DAPL1: variants seen among roughly 807,000 people sequenced by gnomAD.
DAPL1 encodes the protein death associated protein like 1, also known as death-associated protein-like 1.
DAPL1 carries 17 observed loss-of-function variants against 12.9 expected under a neutral mutation model. The observed-to-expected ratio is 1.32, with a 90% CI of 0.90 to 1.98. The LOEUF is 1.98. Among genes scored for constraint, DAPL1 ranks in the 30% most tolerant of loss-of-function variants. The probability of loss-of-function intolerance (pLI) is 0.00; values close to 1 mark genes in which losing one functional copy is unlikely to be tolerated. For missense variants in DAPL1, 157 were observed against 125.7 expected, an observed-to-expected ratio of 1.25 and a Z score of -1.19; for synonymous variants, 51 against 42.0, an observed-to-expected ratio of 1.21 and a Z score of -0.82.
chr2:158,813,756 C>T lies in DAPL1; in HGVS notation c.208-1949C>T, dbSNP rs182460312. ...ATTTTTAGTAGAGATGGGGTTTCAC[C>T]GTGTTAGCCAGGATGGTCTCGATCG... On this transcript the variant is annotated intron_variant, in intron 3 of 3. Transcript: ENST00000309950. Among the ~76,000 whole-genome samples the T allele has an allele frequency of 8.3e-3, 1,266 of 152,164 alleles. 23 individuals carry two copies. The highest frequency in any genetic ancestry group is 0.027 in the African/African-American group (1,125 of 41,516).
intron 1 of DAPL1, among the ~76,000 whole-genome samples, chr2:158,796,726 C>G (rs1382101981): frequency 6.6e-6 from 1 of 152,130 alleles, no homozygotes; most frequent in African/African-American, 2.4e-5. Flanking sequence ...ACAAAGAACA[C>G]AGACATAAAC....
intron 1 of DAPL1, among the ~76,000 whole-genome samples, chr2:158,802,296 T>C (rs950478541): frequency 6.6e-6 from 1 of 152,218 alleles, no homozygotes; most frequent in African/African-American, 2.4e-5. Flanking sequence ...TGCAAAATTA[T>C]GTATCTAAAA....
intron 2 of DAPL1, among the ~76,000 whole-genome samples, chr2:158,804,650 G>C (rs751102283): frequency 9.2e-5 from 14 of 152,348 alleles, no homozygotes; most frequent in Non-Finnish European, 1.6e-4. Flanking sequence ...AATAGGCACA[G>C]GCCTAAATGC....
At chr2:158,813,121 A>G (rs912249247) in intron 3 of DAPL1, among the ~76,000 whole-genome samples, 1 of 152,234 alleles carries the variant, frequency 6.6e-6, no homozygotes, top group African/African-American at 2.4e-5. Flanking sequence ...TAAGTGAAAT[A>G]AGCCAGACAC....
chr2:158,800,969 A>G, intron 1 of DAPL1, among the ~76,000 whole-genome samples: 1 of 152,078 alleles, frequency 6.6e-6, no homozygotes, highest in East Asian at 1.9e-4. Flanking sequence ...CCTCCCAAAT[A>G]GTGGCTGGGA....
intron 1 of DAPL1, among the ~76,000 whole-genome samples, chr2:158,803,960 TA>T (rs1275670702): frequency 6.6e-6 from 1 of 152,108 alleles, no homozygotes; most frequent in Non-Finnish European, 1.5e-5. Context: ...ATTGGTTTGA[TA>T]ATAAGAAAAA....
In DAPL1 at chr2:158,815,818, T is replaced by G; in HGVS notation, c.321T>G (p.Cys107Trp). The change falls in exon 4 of 4, where the codon TGT (cysteine) becomes TGG (tryptophan). Residue 107 changes from cysteine to tryptophan, a missense_variant. By Grantham distance (215) the Cys-to-Trp change is radical. Coordinates refer to ENST00000309950, the MANE Select transcript of DAPL1 (RefSeq NM_001017920.3). ...ACATTATTCAGCAGCCTCGAAAATG[T>G]TAAGCCTGGATTTAAAACACAGCCG... ...RIYIIQQPRK[C>W] The G allele has an allele frequency of 6.2e-7, 1 of 1,607,218 alleles. No homozygotes were observed.
chr2:158,804,369 G>A lies in DAPL1; in HGVS notation c.146G>A (p.Ser49Asn), dbSNP rs1161422284. Residue 49 changes from serine to asparagine, a missense_variant and splice_region_variant, in exon 2 of 4, where the codon AGT becomes AAT. By Grantham distance (46) the Ser-to-Asn change is conservative. Transcript: ENST00000309950. Reference sequence around the variant, plus strand: ...AAAAAAACAGGATTCGAGAAAACAAGGTAGGGACTCTTAATTTTTCTCCAT... The same window carrying A: ...AAAAAAACAGGATTCGAGAAAACAAAGTAGGGACTCTTAATTTTTCTCCAT... ...HTKKTGFEKT[S>N]AIANVAKIQT... 3 of 1,603,192 alleles carry A rather than the reference G, an allele frequency of 1.9e-6. No homozygotes were observed. Among genetic ancestry groups the A allele is most frequent in the Non-Finnish European group, 2.6e-6 (3 of 1,173,468 alleles).
chr2:158,812,924 C>G (rs1240982142), intron 3 of DAPL1, among the ~76,000 whole-genome samples: 1 of 151,956 alleles, frequency 6.6e-6, no homozygotes, highest in Non-Finnish European at 1.5e-5. Flanking sequence ...TATTTGTACA[C>G]CAATATTCAT....
At chr2:158,802,979 T>C (rs2059176861) in intron 1 of DAPL1, among the ~76,000 whole-genome samples, 1 of 152,110 alleles carries the variant, frequency 6.6e-6, no homozygotes, top group Non-Finnish European at 1.5e-5. Context: ...AAGCAGATGT[T>C]AAAAAGAAAA....
At position 158,815,941 on chromosome 2, in the gene DAPL1, A is replaced by G. The variant is rs968511302; in HGVS notation, c.*120A>G. On this transcript the variant is annotated 3_prime_UTR_variant, in exon 4 of 4. Coordinates refer to ENST00000309950, the MANE Select transcript of DAPL1 (RefSeq NM_001017920.3). ...GCTTGGTAAATTAAGCAGCTTTTGT[A>G]TCTTCCCCTTTGACTTTAGGTAATA... 17 of 707,732 alleles carry G rather than the reference A, an allele frequency of 2.4e-5. No homozygotes were observed. The highest frequency in any genetic ancestry group is 2.3e-4 in the South Asian group (14 of 59,682). The allele number at this position is 707,732 out of a possible 1,614,324, so 43.8% of individuals were successfully genotyped here. A position where few individuals can be genotyped will look rare whatever the true frequency, so the allele number is the denominator to read the frequency against.
In DAPL1 at chr2:158,815,790, T is replaced by C. The variant is rs781528014; in HGVS notation, c.293T>C (p.Ile98Thr). 19 of 1,613,644 alleles carry C rather than the reference T, an allele frequency of 1.2e-5. No individual in the cohort carries two copies. In the South Asian group the frequency reaches 1.9e-4, roughly 16 times the overall value. ...GAAAAGGTTGTTCCACTGAAAAGGATCTACATTATTCAGCAGCCTCGAAAA... is the reference window on the plus strand; with the variant it reads ...GAAAAGGTTGTTCCACTGAAAAGGACCTACATTATTCAGCAGCCTCGAAAA... Reference protein sequence around the residue: ...ALEKVVPLKRIYIIQQPRKC With the variant: ...ALEKVVPLKRTYIIQQPRKC Residue 98 changes from isoleucine (I) to threonine (T), a missense_variant, in exon 4 of 4, where the codon ATC becomes ACC. By Grantham distance (89) the Ile-to-Thr change is moderately conservative. Coordinates refer to ENST00000309950, the MANE Select transcript of DAPL1 (RefSeq NM_001017920.3).
At chr2:158,804,417 C>T (rs1275954618) in intron 2 of DAPL1, 48 bp downstream of exon 2, 2 of 1,373,154 alleles carry the variant, frequency 1.5e-6, no homozygotes, top group East Asian at 4.7e-5. Context: ...TTTTGAGTGA[C>T]TCTGCCTCCA....
intron 3 of DAPL1, among the ~76,000 whole-genome samples, chr2:158,814,600 C>A (rs2059250456): frequency 6.6e-6 from 1 of 152,192 alleles, no homozygotes; most frequent in African/African-American, 2.4e-5. Context: ...AGTCACATTT[C>A]GTATGAAAGG....
chr2:158,809,554 G>C (rs950811811), intron 3 of DAPL1, among the ~76,000 whole-genome samples: 2 of 151,982 alleles, frequency 1.3e-5, no homozygotes, highest in Non-Finnish European at 2.9e-5. Context: ...TTTTGTCCTG[G>C]GGCAGGTTTC....
intron 3 of DAPL1, among the ~76,000 whole-genome samples, chr2:158,813,000 T>C (rs531764661): frequency 6.8e-6 from 1 of 146,552 alleles, no homozygotes; most frequent in South Asian, 2.3e-4. Context: ...AATGGATGAA[T>C]GGATAGAAAA....
chr2:158,797,924 A>G (rs1238693652), intron 1 of DAPL1, among the ~76,000 whole-genome samples: 2 of 152,212 alleles, frequency 1.3e-5, no homozygotes, highest in African/African-American at 4.8e-5. Flanking sequence ...TTATACATTT[A>G]TGCTGTGAAA....
At position 158,801,960 on chromosome 2, in the gene DAPL1, C is replaced by T. The variant is rs554549609; in HGVS notation, c.59-2322C>T. 2.0e-5 allele frequency among the ~76,000 whole-genome samples: 3 copies of T among 152,292 alleles called. No individual in the cohort carries two copies. The South Asian group carries it at 6.2e-4, about 32-fold the overall frequency. On this transcript the variant is annotated intron_variant, in intron 1 of 3. Transcript: ENST00000309950. ...TGAAAAGGACAAAAGATTTGAACAG[C>T]TTACAGAAAAGGAAATGCAAATGGC... is the stretch of plus-strand genomic sequence containing the variant.
intron 1 of DAPL1, among the ~76,000 whole-genome samples, chr2:158,802,329 A>G (rs1436899682): frequency 6.6e-6 from 1 of 152,196 alleles, no homozygotes; most frequent in South Asian, 2.1e-4. Context: ...CAAGAACCTA[A>G]AAGAGCCAGA....
Sources: allele counts gnomAD v4.1 joint callset (sites outside exome capture counted in the v4.1 genomes callset), GRCh38; gene constraint gnomAD v4.1.1; transcripts MANE v1.5; gene names NCBI Gene and HGNC (gene_info 2026-07-23, HGNC 2026-07-21).